The following GPHN variants were observed in gnomAD, a reference collection of about 807,000 sequenced individuals.
GPHN encodes the protein gephyrin.
In GPHN, 17 loss-of-function variants were observed where a neutral mutation model predicts 95.5. That is an observed-to-expected ratio of 0.18 (90% CI 0.12 to 0.27). The LOEUF (loss-of-function observed/expected upper bound fraction) is 0.27. GPHN is among the 10% of genes least tolerant of loss of function. The probability of loss-of-function intolerance (pLI) is 1.00; values close to 1 mark genes in which losing one functional copy is unlikely to be tolerated. For missense variants in GPHN, 660 were observed against 978.1 expected (o/e 0.67, Z 4.34); for synonymous variants, 320 against 322.5 (o/e 0.99, Z 0.08).
intron 8 of GPHN, among the ~76,000 whole-genome samples, chr14:66,948,841 A>G (rs1275288062): frequency 3.3e-5 from 5 of 152,096 alleles, no homozygotes; most frequent in South Asian, 2.1e-4. Flanking sequence ...GTCTCACTCT[A>G]TTGCTCAGGC....
At chr14:67,316,307 G>T in the GPHN span, among the ~76,000 whole-genome samples, 1 of 152,050 alleles carries the variant, frequency 6.6e-6, no homozygotes, top group Non-Finnish European at 1.5e-5. Context: ...GGTAACTTAA[G>T]GGTGGAAATA....
At chr14:67,437,321 C>T in the GPHN span, among the ~76,000 whole-genome samples, 1 of 152,096 alleles carries the variant, frequency 6.6e-6, no homozygotes, top group East Asian at 1.9e-4. Context: ...GTAGTGAGTA[C>T]GCAGAAGGAA....
the GPHN span, among the ~76,000 whole-genome samples, chr14:67,478,799 T>C: frequency 6.6e-6 from 1 of 152,102 alleles, no homozygotes; most frequent in Non-Finnish European, 1.5e-5. Context: ...GTCTTCCCAC[T>C]TCTGCACCCT....
the GPHN span, chr14:67,392,415 T>G: frequency 3.7e-6 from 6 of 1,612,968 alleles, no homozygotes; most frequent in Non-Finnish European, 5.1e-6. Flanking sequence ...ATCTTCTTTT[T>G]GTAGCTCTCA....
At chr14:67,692,640 C>T in the GPHN span, 1 of 1,509,230 alleles carries the variant, frequency 6.6e-7, no homozygotes, top group Non-Finnish European at 8.8e-7. Flanking sequence ...TGTTTTTGAG[C>T]TGGCATTATA....
intron 1 of GPHN, among the ~76,000 whole-genome samples, chr14:66,586,445 T>G (rs892099762): frequency 1.3e-5 from 2 of 152,176 alleles, no homozygotes; most frequent in African/African-American, 4.8e-5. Flanking sequence ...GTTAGCTGGT[T>G]ATTTTGCTCG....
the GPHN span, among the ~76,000 whole-genome samples, chr14:67,542,850 A>G: frequency 6.6e-6 from 1 of 152,060 alleles, no homozygotes. Context: ...ACAGGCATGC[A>G]CCACCACGCC....
intron 1 of GPHN, among the ~76,000 whole-genome samples, chr14:66,679,723 C>G (rs894931272): frequency 5.9e-5 from 9 of 152,104 alleles, no homozygotes; most frequent in Non-Finnish European, 1.3e-4. Flanking sequence ...GTTATAAAAC[C>G]CACCCACCAA....
the GPHN span, chr14:67,360,564 C>T: frequency 4.9e-6 from 1 of 205,846 alleles, no homozygotes. Flanking sequence ...CCTTTCCCGT[C>T]CCTGCGCGGG....
intron 1 of GPHN, among the ~76,000 whole-genome samples, chr14:66,609,233 T>C (rs949429580): frequency 6.6e-6 from 1 of 152,144 alleles, no homozygotes; most frequent in African/African-American, 2.4e-5. Context: ...AAATTCTTCA[T>C]TGGAATTTAT....
the GPHN span, among the ~76,000 whole-genome samples, chr14:67,484,381 C>A: frequency 6.6e-6 from 1 of 152,230 alleles, no homozygotes. Context: ...CAGCTAGCTG[C>A]CTCGGTCTCT....
chr14:66,693,699 C>T (rs1824701637), intron 2 of GPHN, among the ~76,000 whole-genome samples: 1 of 152,114 alleles, frequency 6.6e-6, no homozygotes, highest in African/African-American at 2.4e-5. Flanking sequence ...TTGTGAATCT[C>T]CTCTGGAAAC....
the GPHN span, among the ~76,000 whole-genome samples, chr14:67,668,147 T>C: frequency 6.6e-6 from 1 of 152,192 alleles, no homozygotes; most frequent in Non-Finnish European, 1.5e-5. Context: ...ATTTTTATGA[T>C]ACACGTTAAG....
intron 5 of GPHN, among the ~76,000 whole-genome samples, chr14:66,913,246 G>A (rs1203211604): frequency 6.6e-6 from 1 of 152,122 alleles, no homozygotes; most frequent in Non-Finnish European, 1.5e-5. Flanking sequence ...GCTGGTGAGA[G>A]ACAATATACT....
the GPHN span, among the ~76,000 whole-genome samples, chr14:67,193,550 T>G: frequency 6.2e-5 from 9 of 144,462 alleles, no homozygotes; most frequent in East Asian, 6.1e-4. Flanking sequence ...TATATATCTA[T>G]ATATAGATCT....
At chr14:67,288,090 T>C in the GPHN span, among the ~76,000 whole-genome samples, 1 of 152,202 alleles carries the variant, frequency 6.6e-6, no homozygotes, top group Middle Eastern at 3.4e-3. Flanking sequence ...TCCCTTTTTT[T>C]TTCCTTCGAG....
intron 19 of GPHN, among the ~76,000 whole-genome samples, chr14:67,162,496 T>G (rs1413329545): frequency 2.0e-5 from 3 of 152,222 alleles, no homozygotes; most frequent in African/African-American, 4.8e-5. Context: ...AGAATGCAAT[T>G]AAGCTCTTTC....
chr14:66,905,321 A>G (rs1347649040), intron 5 of GPHN, among the ~76,000 whole-genome samples: 1 of 152,050 alleles, frequency 6.6e-6, no homozygotes, highest in African/African-American at 2.4e-5. Flanking sequence ...TAAATTTTGA[A>G]TTGCTTTTCT....
chr14:67,415,302 C>A, the GPHN span, among the ~76,000 whole-genome samples: 1 of 151,734 alleles, frequency 6.6e-6, no homozygotes, highest in African/African-American at 2.4e-5. Context: ...AAGTATCTTA[C>A]CAGGTCATTA....
Sources: gnomAD v4.1 joint callset for allele counts (sites outside exome capture counted in the v4.1 genomes callset) on GRCh38, gnomAD v4.1.1 for gene constraint, MANE v1.5 for transcripts, NCBI Gene and HGNC (gene_info 2026-07-23, HGNC 2026-07-21) for gene names.